Variants in MAST3 observed in about 807,000 individuals in gnomAD.
The protein encoded by MAST3 is microtubule-associated serine/threonine-protein kinase 3.
MAST3 carries 43 observed loss-of-function variants against 127.0 expected under a neutral mutation model. The observed-to-expected ratio is 0.34, with a 90% CI of 0.27 to 0.44. MAST3 has a LOEUF of 0.44. MAST3 is among the 20% of genes least tolerant of loss of function. MAST3 has a pLI of 1.00. For synonymous variants in MAST3, 785 were observed against 809.2 expected (o/e 0.97, Z 0.51); for missense variants, 1,390 against 1,919.1 (o/e 0.72, Z 5.15).
In MAST3 at chr19:18,149,336, C is replaced by A. The variant is rs559681182; in HGVS notation, c.3654C>A (p.Ser1218=). Residue 1218 remains serine, a synonymous_variant, in exon 28 of 28, where the codon TCC becomes TCA. Transcript: ENST00000687212. This position sits in a 1 kb window ranked among gnomAD's most constrained non-coding sequence, Gnocchi z 5.9. Reference sequence around the variant, plus strand: ...GCCCCAAGACTGGCCGCCGCAAGTCCACCAGCAGCATCCCGCCCTCCCCGC... The same window carrying A: ...GCCCCAAGACTGGCCGCCGCAAGTCAACCAGCAGCATCCCGCCCTCCCCGC... The part of the protein sequence containing the change: ...PPRPKTGRRK[S]TSSIPPSPLA... 146 of 1,523,704 alleles carry A rather than the reference C, an allele frequency of 9.6e-5. No individual in the cohort carries two copies. In the African/African-American group the frequency reaches 2.0e-3, roughly 21 times the overall value. 94.4% of individuals were successfully genotyped at this position (1,523,704 alleles called of 1,614,324 possible).
intron 3 of MAST3, chr19:18,118,050 C>G: frequency 1.0e-6 from 1 of 967,862 alleles, no homozygotes; most frequent in Non-Finnish European, 1.2e-6. Context: ...CCCCCATCCC[C>G]GCAGCCCCGT....
chr19:18,105,888 A>C (rs2038035084), intron 1 of MAST3, among the ~76,000 whole-genome samples: 1 of 152,006 alleles, frequency 6.6e-6, no homozygotes, highest in South Asian at 2.1e-4. Flanking sequence ...ACTGGTACCC[A>C]GGGCCCAAAC....
chr19:18,123,394 C>A lies in MAST3; in HGVS notation c.557+20C>A. The A allele has an allele frequency of 1.3e-6, 2 of 1,599,890 alleles. No individual in the cohort carries two copies. The highest frequency in any genetic ancestry group is 1.1e-5 in the South Asian group (1 of 89,504). On this transcript the variant is annotated intron_variant, in intron 7 of 27. Coordinates refer to ENST00000687212, the MANE Select transcript of MAST3 (RefSeq NM_001393504.1). The stretch of plus-strand genomic sequence containing the variant: ...TCTCAGGTGGGCCGCGACCTCTGGC[C>A]CCAGCCCCGGCCCCTCCCTGGGCTG...
chr19:18,130,410 G>C, intron 13 of MAST3, 84 bp from the exon 14 acceptor site: 3 of 1,261,494 alleles, frequency 2.4e-6, no homozygotes, highest in South Asian at 2.7e-5. Context: ...GGCCAGGCAG[G>C]TTGGGATCTG....
Position 18,146,970 on chromosome 19 carries a change from C to T in MAST3, c.3252C>T (p.Arg1084=), listed in dbSNP as rs372000208. Residue 1084 remains arginine (R), a synonymous_variant, in exon 26 of 28, where the codon CGC becomes CGT. Coordinates refer to ENST00000687212, the MANE Select transcript of MAST3 (RefSeq NM_001393504.1). ...GPARKNVAKG[R]MARRSKRSRR... is the part of the protein sequence containing the mutation. ...CCCGGAAGAATGTGGCCAAGGGCCGCATGGCACGCAGGAGCAAGAGGAGCC... is the reference window on the plus strand; with the variant it reads ...CCCGGAAGAATGTGGCCAAGGGCCGTATGGCACGCAGGAGCAAGAGGAGCC... 45 of 1,565,032 alleles carry T rather than the reference C, an allele frequency of 2.9e-5. No individual in the cohort carries two copies. The highest frequency in any genetic ancestry group is 3.6e-5 in the Non-Finnish European group (42 of 1,154,988).
chr19:18,098,011 G>A (rs1017552680), intron 1 of MAST3, among the ~76,000 whole-genome samples, 180 bp downstream of exon 1: 1 of 152,132 alleles, frequency 6.6e-6, no homozygotes, highest in Non-Finnish European at 1.5e-5. Flanking sequence ...CTCATGGTGG[G>A]AAGGGGGAAG....
intron 3 of MAST3, among the ~76,000 whole-genome samples, chr19:18,121,450 C>T (rs2039970875): frequency 6.6e-6 from 1 of 152,268 alleles, no homozygotes; most frequent in African/African-American, 2.4e-5. Context: ...AGCCACCATG[C>T]CTGGCCAGCA....
Position 18,149,551 on chromosome 19 carries a change from G to A in MAST3, c.3869G>A (p.Arg1290Gln). 1.9e-6 allele frequency: 3 copies of A among 1,575,748 alleles called. No homozygotes were observed. The highest frequency in any genetic ancestry group is 2.6e-6 in the Non-Finnish European group (3 of 1,161,918). The change falls in exon 28 of 28, where the codon CGG (arginine) becomes CAG (glutamine). Residue 1290 changes from arginine (R) to glutamine (Q), a missense_variant. By Grantham distance (43) the Arg-to-Gln change is conservative (BLOSUM62 1). Around this residue, in one of 5 missense-constraint regions of MAST3, gnomAD observed 816 missense variants for 934.1 expected, o/e 0.87. Transcript: ENST00000687212. The surrounding 1 kb of genome is among the most constrained non-coding windows in gnomAD (Gnocchi z 5.9). ...CCAGAGGCCGAGCTCGTGGTCATGC[G>A]GCGGCTGCACCTGTCCGAGCGCCGA... ...RGPEAELVVM[R>Q]RLHLSERRDS...
At position 18,132,472 on chromosome 19, in the gene MAST3, C is replaced by T. The variant is rs532137239; in HGVS notation, c.1571+425C>T. Among the ~76,000 whole-genome samples the T allele has an allele frequency of 1.1e-4, 16 of 152,294 alleles. No individual in the cohort carries two copies. The South Asian group carries it at 2.5e-3, about 24-fold the overall frequency. On this transcript the variant is annotated intron_variant, in intron 15 of 27. Transcript: ENST00000687212. ...AACAGGATTATGCAATTTGCGAGAC[C>T]TTACATGTAAAGACAGTGACCGTGC...
chr19:18,142,048 G>A (rs1398574623), intron 21 of MAST3, 33 bp downstream of exon 21: 5 of 1,408,322 alleles, frequency 3.6e-6, no homozygotes, highest in Non-Finnish European at 4.7e-6. Flanking sequence ...GGCAGATCCA[G>A]CTTCCAAGCC....
At chr19:18,127,508 A>AC (rs2040793625) in intron 11 of MAST3, among the ~76,000 whole-genome samples, 1 of 151,954 alleles carries the variant, frequency 6.6e-6, no homozygotes, top group African/African-American at 2.4e-5. Flanking sequence ...ATGTGGTGAA[A>AC]CCCCATCTCT....
chr19:18,134,540 A>C (rs1467136627), intron 15 of MAST3, 39 bp from the exon 16 acceptor site: 2 of 1,574,040 alleles, frequency 1.3e-6, no homozygotes, highest in African/African-American at 2.7e-5. Flanking sequence ...CAGGCACCCC[A>C]GCCCCCCAGC....
At chr19:18,117,698 G>A (rs1401071959) in intron 3 of MAST3, among the ~76,000 whole-genome samples, 1 of 152,200 alleles carries the variant, frequency 6.6e-6, no homozygotes, top group Non-Finnish European at 1.5e-5. Flanking sequence ...CTCTGGGAGA[G>A]AGGAAAAAGA....
intron 1 of MAST3, among the ~76,000 whole-genome samples, chr19:18,102,985 C>G (rs2037772086): frequency 6.6e-6 from 1 of 152,160 alleles, no homozygotes; most frequent in Non-Finnish European, 1.5e-5. Flanking sequence ...CCAGCCTGGG[C>G]AAGCGCAGAC....
At chr19:18,134,151 C>T (rs1048540804) in intron 15 of MAST3, among the ~76,000 whole-genome samples, 1 of 151,936 alleles carries the variant, frequency 6.6e-6, no homozygotes, top group African/African-American at 2.4e-5. Flanking sequence ...GGTGAACTAC[C>T]TGAGATCAGG....
chr19:18,123,434 G>A, intron 7 of MAST3, 60 bp downstream of exon 7: 1 of 1,537,354 alleles, frequency 6.5e-7, no homozygotes. Context: ...GGAGGCCCAA[G>A]TTGTGGCTCC....
intron 3 of MAST3, among the ~76,000 whole-genome samples, chr19:18,111,621 A>C (rs1599682909): frequency 7.4e-6 from 1 of 135,444 alleles, no homozygotes; most frequent in African/African-American, 2.9e-5. Context: ...TGCAACCTCC[A>C]CCTCCTGGGT....
Position 18,145,688 on chromosome 19 carries a change from G to A in MAST3, c.3040-55G>A, listed in dbSNP as rs1449650635. 1 of 1,503,160 alleles carries A rather than the reference G, an allele frequency of 6.7e-7. No individual in the cohort carries two copies. The highest frequency in any genetic ancestry group is 8.8e-7 in the Non-Finnish European group (1 of 1,130,476). 93.1% of individuals were successfully genotyped at this position (1,503,160 alleles called of 1,614,324 possible). Reference sequence around the variant, plus strand: ...CCACAGCAGACCCAGCCTGGGCTGGGGTCCCCAGATGTGGGGCCCAGGCCA... The same window carrying A: ...CCACAGCAGACCCAGCCTGGGCTGGAGTCCCCAGATGTGGGGCCCAGGCCA... On this transcript the variant is annotated intron_variant, in intron 24 of 27. Transcript: ENST00000687212. The surrounding 1 kb of genome is among the most constrained non-coding windows in gnomAD (Gnocchi z 5.9).
At chr19:18,100,126 C>CTTTTTTTT (rs201140700) in intron 1 of MAST3, among the ~76,000 whole-genome samples, 1 of 117,002 alleles carries the variant, frequency 8.5e-6, no homozygotes, top group African/African-American at 2.9e-5. Context: ...CTCTCTCTCT[C>CTTTTTTTT]TCTTTTTTTT....
Sources: allele counts gnomAD v4.1 joint callset (sites outside exome capture counted in the v4.1 genomes callset), GRCh38; gene constraint gnomAD v4.1.1; regional missense constraint gnomAD v4.1.1; non-coding constraint Gnocchi (gnomAD v3.1); transcripts MANE v1.5; gene names NCBI Gene and HGNC (gene_info 2026-07-23, HGNC 2026-07-21).